The following AGBL4 variants were observed in gnomAD, a reference collection of about 807,000 sequenced individuals.
AGBL4 encodes cytosolic carboxypeptidase 6.
AGBL4 carries 58 observed loss-of-function variants against 66.4 expected under a neutral mutation model. That is an observed-to-expected ratio of 0.87 (90% CI 0.71 to 1.09). The LOEUF is 1.09. Among genes scored for constraint, AGBL4 ranks in the 50% least tolerant of loss-of-function variants. The probability of loss-of-function intolerance (pLI) is 0.00; values close to 1 mark genes in which losing one functional copy is unlikely to be tolerated. For missense variants in AGBL4, 579 were observed against 631.0 expected (o/e 0.92, Z 0.88); for synonymous variants, 234 against 222.9 (o/e 1.05, Z -0.44).
chr1:49,291,731 G>C (rs932611328), intron 3 of AGBL4, among the ~76,000 whole-genome samples: 2 of 152,236 alleles, frequency 1.3e-5, no homozygotes, highest in African/African-American at 2.4e-5. Context: ...TGATGGCAGT[G>C]GTGGCCTGTC....
At chr1:48,726,775 A>G (rs1647301183) in intron 6 of AGBL4, among the ~76,000 whole-genome samples, 1 of 152,238 alleles carries the variant, frequency 6.6e-6, no homozygotes, top group Non-Finnish European at 1.5e-5. Flanking sequence ...CTAACCAACA[A>G]TAACAGCCAA....
At chr1:49,467,617 G>A (rs529573328) in intron 3 of AGBL4, among the ~76,000 whole-genome samples, 1 of 151,956 alleles carries the variant, frequency 6.6e-6, no homozygotes, top group Admixed American at 6.6e-5. Context: ...TATTGCACTA[G>A]AAAAGTCTGT....
At chr1:49,685,984 C>T (rs1465141617) in intron 3 of AGBL4, among the ~76,000 whole-genome samples, 1 of 152,010 alleles carries the variant, frequency 6.6e-6, no homozygotes, top group Admixed American at 6.6e-5. Flanking sequence ...GGTCTATATC[C>T]AGAATGGTAT....
chr1:49,701,304 T>G (rs1647088886), intron 2 of AGBL4, among the ~76,000 whole-genome samples: 1 of 151,038 alleles, frequency 6.6e-6, no homozygotes, highest in South Asian at 2.1e-4. Flanking sequence ...AAAAAAAAAA[T>G]GTAATGTATA....
chr1:49,979,263 C>T (rs981183225), intron 1 of AGBL4, among the ~76,000 whole-genome samples: 3 of 151,470 alleles, frequency 2.0e-5, no homozygotes, highest in African/African-American at 4.8e-5. Context: ...AGATCGAGAC[C>T]ATCCTGGCTA....
intron 1 of AGBL4, among the ~76,000 whole-genome samples, chr1:49,948,057 T>TATTTATATATATAA (rs1557608136): frequency 3.2e-5 from 3 of 92,596 alleles, no homozygotes; most frequent in African/African-American, 1.4e-4. Flanking sequence ...TATAAATATA[T>TATTTATATATATAA]ATATGTAAAT....
At chr1:49,585,181 A>G (rs987840484) in intron 3 of AGBL4, among the ~76,000 whole-genome samples, 1 of 152,140 alleles carries the variant, frequency 6.6e-6, no homozygotes, top group Admixed American at 6.6e-5. Flanking sequence ...GCTCTACATC[A>G]TCTCTGCCTC....
chr1:49,210,997 G>A (rs770491289), intron 4 of AGBL4, among the ~76,000 whole-genome samples: 2 of 151,936 alleles, frequency 1.3e-5, no homozygotes, highest in Non-Finnish European at 1.5e-5. Flanking sequence ...CTCCTCTTTA[G>A]AAAATGAATT....
intron 11 of AGBL4, among the ~76,000 whole-genome samples, chr1:48,568,350 A>G (rs1644508338): frequency 6.6e-6 from 1 of 152,118 alleles, no homozygotes; most frequent in Non-Finnish European, 1.5e-5. Context: ...TGACTGATCT[A>G]GAATCAATGA....
intron 3 of AGBL4, among the ~76,000 whole-genome samples, chr1:49,631,331 A>G (rs1645566188): frequency 6.6e-6 from 1 of 152,168 alleles, no homozygotes; most frequent in Admixed American, 6.6e-5. Context: ...GTAAACTACC[A>G]AAGTGTCTCA....
chr1:49,862,028 C>T (rs934996447), intron 1 of AGBL4, among the ~76,000 whole-genome samples: 8 of 152,196 alleles, frequency 5.3e-5, no homozygotes, highest in Admixed American at 3.3e-4. Flanking sequence ...AAAACATGGT[C>T]TCACCAAACA....
At chr1:49,813,536 A>G (rs190624476) in intron 2 of AGBL4, among the ~76,000 whole-genome samples, 27 of 152,244 alleles carry the variant, frequency 1.8e-4, no homozygotes, top group African/African-American at 6.0e-4. Context: ...ATAATACCCT[A>G]TACAGACTCT....
intron 5 of AGBL4, among the ~76,000 whole-genome samples, chr1:49,011,887 G>A (rs1269340096): frequency 4.0e-5 from 1 of 24,788 alleles, no homozygotes; most frequent in African/African-American, 9.9e-5. Context: ...GTTGTGGGGT[G>A]GGGGGTGGGG....
intron 6 of AGBL4, among the ~76,000 whole-genome samples, chr1:48,750,801 G>C (rs1008416916): frequency 6.6e-6 from 1 of 152,180 alleles, no homozygotes; most frequent in Non-Finnish European, 1.5e-5. Flanking sequence ...TGCATGGCAG[G>C]GAGACAGCAG....
intron 2 of AGBL4, among the ~76,000 whole-genome samples, chr1:49,745,896 A>G (rs760810057): frequency 1.3e-5 from 2 of 152,050 alleles, no homozygotes; most frequent in Non-Finnish European, 2.9e-5. Flanking sequence ...ACAGAAAACT[A>G]CAGAACACTG....
chr1:49,086,548 T>C (rs1363142604), intron 4 of AGBL4, among the ~76,000 whole-genome samples: 1 of 152,028 alleles, frequency 6.6e-6, no homozygotes, highest in Non-Finnish European at 1.5e-5. Context: ...CCACCCATCC[T>C]GCCACTGGTA....
intron 9 of AGBL4, among the ~76,000 whole-genome samples, chr1:48,630,981 C>T (rs1380398799): frequency 4.6e-5 from 7 of 152,126 alleles, no homozygotes; most frequent in Non-Finnish European, 1.0e-4. Flanking sequence ...TATAAATGCA[C>T]CTAGAATAAC....
intron 11 of AGBL4, chr1:48,586,713 A>G: frequency 2.7e-6 from 1 of 366,768 alleles, no homozygotes; most frequent in South Asian, 3.2e-5. Flanking sequence ...GACTCACTGC[A>G]TCATGAGAGA....
At chr1:48,998,609 T>C (rs1661183700) in intron 5 of AGBL4, among the ~76,000 whole-genome samples, 1 of 152,174 alleles carries the variant, frequency 6.6e-6, no homozygotes, top group African/African-American at 2.4e-5. Context: ...TCTTTCCTCT[T>C]TCAATCATCT....
Sources: gnomAD v4.1 joint callset for allele counts (sites outside exome capture counted in the v4.1 genomes callset) on GRCh38, gnomAD v4.1.1 for gene constraint, MANE v1.5 for transcripts, NCBI Gene and HGNC (gene_info 2026-07-23, HGNC 2026-07-21) for gene names.